Variants in TRIM24 observed in about 807,000 individuals in gnomAD.
TRIM24 encodes transcription intermediary factor 1-alpha.
In TRIM24, 29 loss-of-function variants were observed where a neutral mutation model predicts 123.9. The ratio of observed to expected loss-of-function variants is 0.23; its 90% CI spans 0.17 to 0.32. The LOEUF is 0.32. TRIM24 is among the 10% of genes least tolerant of loss of function. The pLI is 1.00. For missense variants in TRIM24, 932 were observed against 1,295.3 expected (o/e 0.72, Z 4.31); for synonymous variants, 456 against 461.1 (o/e 0.99, Z 0.14).
intron 1 of TRIM24, among the ~76,000 whole-genome samples, chr7:138,498,001 T>C (rs55723768): frequency 0.27 from 41,319 of 151,294 alleles, 6,263 homozygotes; most frequent in East Asian, 0.5. Flanking sequence ...CCCTGTGTGG[T>C]TTTTTTATTT....
chr7:138,558,398 G>A (rs766911352), intron 9 of TRIM24, among the ~76,000 whole-genome samples: 9 of 152,146 alleles, frequency 5.9e-5, no homozygotes, highest in Admixed American at 1.3e-4. Flanking sequence ...AGGGCCAGAC[G>A]CTCAAGCTTG....
intron 7 of TRIM24, among the ~76,000 whole-genome samples, chr7:138,541,296 A>G (rs1380099902): frequency 2.0e-5 from 3 of 151,928 alleles, no homozygotes; most frequent in Admixed American, 6.6e-5. Flanking sequence ...CAAAAGGAGA[A>G]AAAAAAAGAC....
chr7:138,563,342 T>C (rs889152774), intron 9 of TRIM24, among the ~76,000 whole-genome samples: 3 of 152,184 alleles, frequency 2.0e-5, no homozygotes, highest in African/African-American at 7.2e-5. Flanking sequence ...TTTTTTCCAG[T>C]GTCCCTTTTA....
chr7:138,556,719 A>G (rs745866097), intron 9 of TRIM24, among the ~76,000 whole-genome samples: 11 of 152,192 alleles, frequency 7.2e-5, no homozygotes, highest in Non-Finnish European at 7.3e-5. Context: ...GCTAGTATTT[A>G]TGAGCCCACA....
chr7:138,524,396 A>T (rs1270471671), intron 4 of TRIM24, among the ~76,000 whole-genome samples: 1 of 152,158 alleles, frequency 6.6e-6, no homozygotes, highest in Admixed American at 6.6e-5. Flanking sequence ...AGGTAAAAAA[A>T]ACTTGAGTTG....
intron 12 of TRIM24, among the ~76,000 whole-genome samples, chr7:138,575,008 ATAAAT>A (rs1302016079): frequency 6.6e-6 from 1 of 152,198 alleles, no homozygotes; most frequent in Non-Finnish European, 1.5e-5. Flanking sequence ...GAGGATAAAA[ATAAAT>A]TAGAATGTGC....
chr7:138,529,844 G>A (rs886712328), intron 6 of TRIM24, among the ~76,000 whole-genome samples: 2 of 151,954 alleles, frequency 1.3e-5, no homozygotes, highest in East Asian at 1.9e-4. Flanking sequence ...CAGCTACATG[G>A]TACATTAATG....
chr7:138,529,344 T>TG (rs1484793872), intron 6 of TRIM24, 114 bp downstream of exon 6: 3 of 550,358 alleles, frequency 5.5e-6, no homozygotes, highest in Non-Finnish European at 8.7e-6. Context: ...TTTAATATTT[T>TG]TTTTTCCCAC....
chr7:138,525,248 T>C lies in TRIM24; in HGVS notation c.772T>C (p.Phe258Leu). 6.8e-7 allele frequency: 1 copy of C among 1,479,498 alleles called. No individual in the cohort carries two copies. Among genetic ancestry groups the C allele is most frequent in the Non-Finnish European group, 9.0e-7 (1 of 1,114,310 alleles). The allele number at this position is 1,479,498 out of a possible 1,614,324, so 91.6% of individuals were successfully genotyped here. The change falls in exon 5 of 19, where the codon TTT becomes CTT. Residue 258 changes from phenylalanine to leucine, a missense_variant. Phe to Leu is a conservative substitution (Grantham distance 22). Around this residue, in one of 7 missense-constraint regions of TRIM24, gnomAD observed 527 missense variants for 691.3 expected, o/e 0.76. Coordinates refer to ENST00000343526, the MANE Select transcript of TRIM24 (RefSeq NM_015905.3). ...ATTTGCTTATTTCTTCAGATACCAA[T>C]TTATAGAAGAAGCTTTTCAGAATCA... ...LLEHKEHRYQ[F>L]IEEAFQNQKV...
At chr7:138,562,457 A>G (rs1797446930) in intron 9 of TRIM24, among the ~76,000 whole-genome samples, 1 of 152,186 alleles carries the variant, frequency 6.6e-6, no homozygotes, top group Non-Finnish European at 1.5e-5. Flanking sequence ...ACAGCACACA[A>G]GTCCTGCACT....
chr7:138,483,820 T>C (rs1795585746), intron 1 of TRIM24, among the ~76,000 whole-genome samples: 1 of 152,142 alleles, frequency 6.6e-6, no homozygotes, highest in Admixed American at 6.5e-5. Flanking sequence ...TGAGATTGGC[T>C]TGTTTGAATA....
At chr7:138,583,191 T>G (rs1344800203) in intron 17 of TRIM24, among the ~76,000 whole-genome samples, 1 of 152,230 alleles carries the variant, frequency 6.6e-6, no homozygotes, top group Non-Finnish European at 1.5e-5. Context: ...TTCTTCCTCT[T>G]GTATAATACA....
At position 138,460,296 on chromosome 7, in the gene TRIM24, G is replaced by T. The variant is rs1374208375; in HGVS notation, c.-253G>T. The T allele has an allele frequency of 2.6e-6, 1 of 380,618 alleles. No individual in the cohort carries two copies. The highest frequency in any genetic ancestry group is 3.8e-5 in the East Asian group (1 of 26,330). 23.6% of individuals were successfully genotyped at this position (380,618 alleles called of 1,614,324 possible). A position where few individuals can be genotyped will look rare whatever the true frequency, so the allele number is the denominator to read the frequency against. On this transcript the variant is annotated 5_prime_UTR_variant, in exon 1 of 19. Coordinates refer to ENST00000343526, the MANE Select transcript of TRIM24 (RefSeq NM_015905.3). ...CGCCTCGGCGGTTGGCGAAGCGGAC[G>T]GGGTGCAGCCTCCCCGGTGCGAGGA...
intron 1 of TRIM24, among the ~76,000 whole-genome samples, chr7:138,494,704 C>G (rs1278857130): frequency 6.6e-6 from 1 of 152,150 alleles, no homozygotes; most frequent in Non-Finnish European, 1.5e-5. Flanking sequence ...TGTTTGTTAA[C>G]ATACTCTATT....
At chr7:138,506,782 G>A (rs1298043682) in intron 2 of TRIM24, among the ~76,000 whole-genome samples, 1 of 152,174 alleles carries the variant, frequency 6.6e-6, no homozygotes, top group African/African-American at 2.4e-5. Flanking sequence ...ATGGGTTAGG[G>A]TAGGAAATGT....
chr7:138,577,231 A>G (rs544478929), intron 13 of TRIM24, among the ~76,000 whole-genome samples, 189 bp from the exon 14 acceptor site: 1 of 151,808 alleles, frequency 6.6e-6, no homozygotes, highest in African/African-American at 2.4e-5. Flanking sequence ...ATAGGTTAAT[A>G]TGTAAAACAT....
At chr7:138,526,113 G>C (rs907549850) in intron 5 of TRIM24, among the ~76,000 whole-genome samples, 4 of 152,118 alleles carry the variant, frequency 2.6e-5, no homozygotes, top group African/African-American at 9.7e-5. Flanking sequence ...GTCAAGAAAT[G>C]TTTATTAGAA....
intron 1 of TRIM24, among the ~76,000 whole-genome samples, chr7:138,499,532 G>A (rs1388760055): frequency 6.6e-6 from 1 of 152,148 alleles, no homozygotes; most frequent in Non-Finnish European, 1.5e-5. Flanking sequence ...CGCAGCTAAG[G>A]GACCCAGGAA....
intron 4 of TRIM24, among the ~76,000 whole-genome samples, chr7:138,524,177 A>G (rs894310302): frequency 2.6e-5 from 4 of 152,184 alleles, no homozygotes; most frequent in East Asian, 1.9e-4. Context: ...AAAATTAAAT[A>G]TACATTCATG....
Sources: allele counts gnomAD v4.1 joint callset (sites outside exome capture counted in the v4.1 genomes callset), GRCh38; gene constraint gnomAD v4.1.1; regional missense constraint gnomAD v4.1.1; transcripts MANE v1.5; gene names NCBI Gene and HGNC (gene_info 2026-07-23, HGNC 2026-07-21).